The following AMOTL1 variants were observed in gnomAD, a reference collection of about 807,000 sequenced individuals.
AMOTL1 encodes the protein angiomotin-like protein 1.
AMOTL1 carries 45 observed loss-of-function variants against 102.9 expected under a neutral mutation model. That is an observed-to-expected ratio of 0.44 (90% CI 0.34 to 0.56). The LOEUF (loss-of-function observed/expected upper bound fraction) is 0.56. Ranked by LOEUF, AMOTL1 falls within the 20% of genes least tolerant of loss-of-function variation. The pLI is 0.01. For missense variants in AMOTL1, 1,114 were observed against 1,225.6 expected (o/e 0.91, Z 1.36); for synonymous variants, 481 against 484.7 (o/e 0.99, Z 0.10).
rs887826380 is a variant in AMOTL1, at chr11:94,876,407, T to G, written c.*5612T>G. On this transcript the variant is annotated 3_prime_UTR_variant, in exon 13 of 13. Transcript: ENST00000433060. ...TGTGTCGCTGTGCTTGGTGGCAGTG[T>G]GCCGTGCTCGTGCCGGCTCTTCCCA... 6.5e-6 allele frequency: 1 copy of G among 152,700 alleles called. No individual in the cohort carries two copies. Among genetic ancestry groups the G allele is most frequent in the Non-Finnish European group, 1.5e-5 (1 of 68,094 alleles). The allele number at this position is 152,700 out of a possible 1,614,324, so 9.5% of individuals were successfully genotyped here.
At chr11:94,791,525 T>C (rs1366637149) in intron 1 of AMOTL1, among the ~76,000 whole-genome samples, 3 of 152,218 alleles carry the variant, frequency 2.0e-5, no homozygotes, top group East Asian at 1.9e-4. Flanking sequence ...CCAGAAGTGC[T>C]TGTATGGGAA....
chr11:94,818,893 C>A (rs1951812755), intron 3 of AMOTL1, among the ~76,000 whole-genome samples: 1 of 152,146 alleles, frequency 6.6e-6, no homozygotes, highest in Non-Finnish European at 1.5e-5. Context: ...AAAATAACAG[C>A]AACTTATTTA....
chr11:94,777,937 G>A (rs774942602), intron 1 of AMOTL1, among the ~76,000 whole-genome samples: 4 of 152,186 alleles, frequency 2.6e-5, no homozygotes, highest in Non-Finnish European at 5.9e-5. Flanking sequence ...TTGAGGGTCT[G>A]TCATGTGCCA....
At chr11:94,753,676 T>C (rs1950685724) in intron 3 of AMOTL1, among the ~76,000 whole-genome samples, 1 of 152,220 alleles carries the variant, frequency 6.6e-6, no homozygotes, top group African/African-American at 2.4e-5. Flanking sequence ...AGCCCTGTTC[T>C]TCTCTATTGC....
rs1020432440 is a variant in AMOTL1 at position 94,795,108 on chromosome 11, T to G, written c.147T>G (p.His49Gln). The part of the protein sequence containing the change: ...SPDFQLYSGR[H>Q]ETSALTVEAT... Reference sequence around the variant, plus strand: ...ACTTTCAGCTCTATTCTGGGAGGCATGAAACATCTGCTTTGACGGTGGAGG... The same window carrying G: ...ACTTTCAGCTCTATTCTGGGAGGCAGGAAACATCTGCTTTGACGGTGGAGG... Residue 49 changes from histidine to glutamine, a missense_variant, in exon 2 of 13, where the codon CAT (histidine) becomes CAG (glutamine). Coordinates refer to ENST00000433060, the MANE Select transcript of AMOTL1 (RefSeq NM_130847.3). 4.3e-6 allele frequency: 7 copies of G among 1,613,818 alleles called. No individual in the cohort carries two copies. The highest frequency in any genetic ancestry group is 8.5e-7 in the Non-Finnish European group (1 of 1,179,866).
chr11:94,800,336 G>A (rs759126085), intron 3 of AMOTL1, 25 bp downstream of exon 3: 16 of 1,542,292 alleles, frequency 1.0e-5, no homozygotes, highest in East Asian at 2.3e-5. Flanking sequence ...CAGACGTTTC[G>A]TGCGGCTTTT....
intron 2 of AMOTL1, among the ~76,000 whole-genome samples, chr11:94,795,794 G>A (rs1157608030): frequency 2.0e-5 from 3 of 152,132 alleles, no homozygotes; most frequent in Admixed American, 1.3e-4. Flanking sequence ...TTCTCCTTTG[G>A]AAATATATTT....
intron 2 of AMOTL1, among the ~76,000 whole-genome samples, chr11:94,738,629 G>C (rs1950471311): frequency 6.6e-6 from 1 of 152,132 alleles, no homozygotes; most frequent in Non-Finnish European, 1.5e-5. Flanking sequence ...ATTTTACTAG[G>C]GTTGTGTTTT....
At chr11:94,859,465 A>G (rs762818131) in intron 8 of AMOTL1, 60 bp from the exon 9 acceptor site, 71 of 1,490,268 alleles carry the variant, frequency 4.8e-5, no homozygotes, top group Non-Finnish European at 6.2e-5. Context: ...CTGTATGGGC[A>G]GTTGTGTAGA....
intron 5 of AMOTL1, 85 bp from the exon 6 acceptor site, chr11:94,831,367 C>T (rs1032953788): frequency 8.7e-7 from 1 of 1,146,086 alleles, no homozygotes; most frequent in African/African-American, 1.5e-5. Flanking sequence ...TCCTCCCCAG[C>T]TCTTGGCACA....
chr11:94,749,016 A>G (rs1950620247), intron 3 of AMOTL1, among the ~76,000 whole-genome samples: 1 of 152,222 alleles, frequency 6.6e-6, no homozygotes, highest in Non-Finnish European at 1.5e-5. Flanking sequence ...GACAGAACAA[A>G]TAGGATATAT....
At chr11:94,723,031 T>C (rs1950198418) in intron 1 of AMOTL1, among the ~76,000 whole-genome samples, 1 of 152,144 alleles carries the variant, frequency 6.6e-6, no homozygotes, top group African/African-American at 2.4e-5. Flanking sequence ...TAATGACAAA[T>C]CTTTTGTTAT....
In AMOTL1 at chr11:94,870,696, T is replaced by C. The variant is rs1336263019; in HGVS notation, c.2772T>C (p.Ser924=). Residue 924 remains serine (S), a synonymous_variant, in exon 13 of 13, where the codon TCT becomes TCC. Coordinates refer to ENST00000433060, the MANE Select transcript of AMOTL1 (RefSeq NM_130847.3). ...TTCCCCTCTATTTGGCAGAGAACTC[T>C]CCTGGCCATGGGAAGTCGCCTGACC... ...AKGTAEKLEN[S]PGHGKSPDHR... 6.3e-7 allele frequency: 1 copy of C among 1,597,368 alleles called. No individual in the cohort carries two copies. Among genetic ancestry groups the C allele is most frequent in the Non-Finnish European group, 8.5e-7 (1 of 1,170,818 alleles).
rs572370149 is a variant in AMOTL1 at position 94,863,319 on chromosome 11, G to A, written c.2136-1416G>A. Among the ~76,000 whole-genome samples the A allele has an allele frequency of 7.4e-4, 112 of 151,698 alleles. 1 individual carries two copies. Among genetic ancestry groups the A allele is most frequent in the Non-Finnish European group, 1.3e-3 (86 of 67,930 alleles). ...AAGCTTTAAAGTTTTCAGGCGGGGC[G>A]CGGTGGCTCACGTCTGTAATCCCAG... On this transcript the variant is annotated intron_variant, in intron 9 of 12. Coordinates refer to ENST00000433060, the MANE Select transcript of AMOTL1 (RefSeq NM_130847.3).
intron 1 of AMOTL1, among the ~76,000 whole-genome samples, chr11:94,789,768 T>C (rs533366153): frequency 2.0e-5 from 3 of 152,332 alleles, no homozygotes; most frequent in African/African-American, 7.2e-5. Flanking sequence ...GCTGGCACAC[T>C]CAGCAAATTC....
intron 2 of AMOTL1, among the ~76,000 whole-genome samples, chr11:94,739,619 G>GC (rs1295144207): frequency 3.3e-5 from 5 of 152,134 alleles, no homozygotes; most frequent in African/African-American, 9.7e-5. Context: ...ACAATAGAAG[G>GC]CCCCCAGGAG....
intron 2 of AMOTL1, among the ~76,000 whole-genome samples, chr11:94,735,872 TA>T (rs1950433174): frequency 6.6e-6 from 1 of 152,134 alleles, no homozygotes; most frequent in Admixed American, 6.5e-5. Flanking sequence ...ATTATAAAAA[TA>T]AAATTAAAAC....
At chr11:94,844,373 CA>C (rs1258076189) in intron 6 of AMOTL1, among the ~76,000 whole-genome samples, 2 of 152,196 alleles carry the variant, frequency 1.3e-5, no homozygotes, top group African/African-American at 2.4e-5. Context: ...CTAAACCCCC[CA>C]AATCCAGTTG....
At chr11:94,840,639 G>A (rs1171603871) in intron 6 of AMOTL1, among the ~76,000 whole-genome samples, 1 of 136,486 alleles carries the variant, frequency 7.3e-6, no homozygotes, top group Non-Finnish European at 1.5e-5. Flanking sequence ...CATTCAGAGG[G>A]GCCACTTAAA....
Sources: gnomAD v4.1 joint callset for allele counts (sites outside exome capture counted in the v4.1 genomes callset) on GRCh38, gnomAD v4.1.1 for gene constraint, MANE v1.5 for transcripts, NCBI Gene and HGNC (gene_info 2026-07-23, HGNC 2026-07-21) for gene names.